BPNT1: variants seen among roughly 807,000 people sequenced by gnomAD.
BPNT1 encodes the protein 3'(2'),5'-bisphosphate nucleotidase 1.
A neutral mutation model predicts 36.9 loss-of-function variants in BPNT1; 28 were observed. The ratio of observed to expected loss-of-function variants is 0.76; its 90% CI spans 0.56 to 1.04. BPNT1 has a LOEUF of 1.04. Among genes scored for constraint, BPNT1 ranks in the 50% least tolerant of loss-of-function variants. The pLI, the probability that BPNT1 is intolerant of heterozygous loss-of-function variation, is 0.00. For synonymous variants in BPNT1, 119 were observed against 130.9 expected (o/e 0.91, Z 0.62); for missense variants, 313 against 372.9 (o/e 0.84, Z 1.32).
In BPNT1 at chr1:220,087,908, G is replaced by C. The variant is rs569182664; in HGVS notation, c.-9+1778C>G. Among the ~76,000 whole-genome samples, 28 of 151,944 alleles carry C rather than the reference G, an allele frequency of 1.8e-4. No homozygotes were observed. In the South Asian group the frequency reaches 5.8e-3, roughly 32 times the overall value. On this transcript the variant is annotated intron_variant, in intron 1 of 8. Transcript: ENST00000322067. Reference sequence around the variant, plus strand: ...ATTTATTTTTTGAGACAGAGTTTTTGCTCTTGTTGCCCAGGCTGGAGTGCA... The same window carrying C: ...ATTTATTTTTTGAGACAGAGTTTTTCCTCTTGTTGCCCAGGCTGGAGTGCA...
intron 1 of BPNT1, among the ~76,000 whole-genome samples, chr1:220,081,095 T>C (rs933020534): frequency 6.6e-6 from 1 of 151,440 alleles, no homozygotes; most frequent in Non-Finnish European, 1.5e-5. Flanking sequence ...CCCACCACCA[T>C]GCTCGGCTAA....
chr1:220,088,838 G>A (rs1430154116), intron 1 of BPNT1, among the ~76,000 whole-genome samples: 1 of 150,144 alleles, frequency 6.7e-6, no homozygotes, highest in Non-Finnish European at 1.5e-5. Context: ...GGTGGCTCAC[G>A]CCTGTAATCC....
At chr1:220,082,063 A>AATATATATATAT (rs369837553) in intron 1 of BPNT1, among the ~76,000 whole-genome samples, 2 of 110,404 alleles carry the variant, frequency 1.8e-5, no homozygotes, top group African/African-American at 7.4e-5. Flanking sequence ...TTCCAAGGAC[A>AATATATATATAT]ATATATATAT....
intron 6 of BPNT1, among the ~76,000 whole-genome samples, chr1:220,065,148 A>G (rs1663424097): frequency 6.6e-6 from 1 of 152,164 alleles, no homozygotes; most frequent in African/African-American, 2.4e-5. Context: ...GTTATTCTGG[A>G]AAAAAATAAA....
intron 6 of BPNT1, chr1:220,066,904 C>A (rs1398244018): frequency 6.6e-6 from 1 of 152,008 alleles, no homozygotes; most frequent in Non-Finnish European, 1.5e-5. Flanking sequence ...GTCTTGATGC[C>A]CAAGCTAATC....
intron 4 of BPNT1, 26 bp downstream of exon 4, chr1:220,072,824 G>C: frequency 6.4e-7 from 1 of 1,558,880 alleles, no homozygotes; most frequent in Non-Finnish European, 8.8e-7. Flanking sequence ...GGTTAATAGA[G>C]AGTTGAGTAT....
intron 1 of BPNT1, among the ~76,000 whole-genome samples, chr1:220,083,190 T>G (rs1219137786): frequency 7.1e-6 from 1 of 140,706 alleles, no homozygotes; most frequent in Non-Finnish European, 1.6e-5. Flanking sequence ...TGGGCCGAGA[T>G]CGTGCCAGTG....
chr1:220,059,094 C>A, intron 8 of BPNT1, 102 bp from the exon 9 acceptor site: 1 of 1,154,412 alleles, frequency 8.7e-7, no homozygotes, highest in Non-Finnish European at 1.2e-6. Context: ...CAATAGTAGC[C>A]AATAAATTCT....
Position 220,058,569 on chromosome 1 carries a change from TCA to T in BPNT1, c.*273_*274del. 3 of 921,408 alleles carry T rather than the reference TCA, an allele frequency of 3.3e-6. No homozygotes were observed. Among genetic ancestry groups the T allele is most frequent in the Non-Finnish European group, 4.0e-6 (3 of 751,304 alleles). The allele number at this position is 921,408 out of a possible 1,614,324, so 57.1% of individuals were successfully genotyped here. A position where few individuals can be genotyped will look rare whatever the true frequency, so the allele number is the denominator to read the frequency against. ...TTTCTGAGACAGGGCTTAACTCCTG[TCA>T]CTCAGGCTGGAGTGCAGTGGCACGA... On this transcript the variant is annotated 3_prime_UTR_variant, in exon 9 of 9. Coordinates refer to ENST00000322067, the MANE Select transcript of BPNT1 (RefSeq NM_006085.6).
chr1:220,082,123 G>GTGTGTA (rs1553263455), intron 1 of BPNT1, among the ~76,000 whole-genome samples: 1 of 134,518 alleles, frequency 7.4e-6, no homozygotes, highest in East Asian at 2.2e-4. Context: ...GAGAGAGAGT[G>GTGTGTA]TATATATATA....
intron 1 of BPNT1, among the ~76,000 whole-genome samples, chr1:220,088,440 G>C (rs920133063): frequency 1.4e-5 from 2 of 139,340 alleles, no homozygotes; most frequent in Admixed American, 1.5e-4. Flanking sequence ...CCGAGATCGC[G>C]CCACTGCAGT....
chr1:220,070,605 G>A (rs751623617), intron 4 of BPNT1, among the ~76,000 whole-genome samples: 45 of 151,990 alleles, frequency 3.0e-4, no homozygotes, highest in Non-Finnish European at 4.0e-4. Context: ...AGGACTACAG[G>A]CGCGCACCAC....
chr1:220,072,775 C>T (rs1571766143), intron 4 of BPNT1, 75 bp downstream of exon 4: 2 of 1,227,682 alleles, frequency 1.6e-6, no homozygotes, highest in Admixed American at 1.9e-5. Flanking sequence ...TTTCATCTTA[C>T]ATGCAAATAT....
At chr1:220,074,790 G>A (rs755688609) in intron 2 of BPNT1, among the ~76,000 whole-genome samples, 12 of 151,992 alleles carry the variant, frequency 7.9e-5, no homozygotes, top group Non-Finnish European at 1.5e-4. Flanking sequence ...CACCATGCCC[G>A]GCCTAAGAAA....
chr1:220,089,102 A>G (rs1258033801), intron 1 of BPNT1, among the ~76,000 whole-genome samples: 12 of 77,284 alleles, frequency 1.6e-4, no homozygotes, highest in East Asian at 5.5e-4. Context: ...CTCCGTCTCG[A>G]AAAAAAAAAA....
chr1:220,059,782 G>A lies in BPNT1; in HGVS notation c.682C>T (p.Leu228=), dbSNP rs761442614. The A allele has an allele frequency of 2.5e-6, 4 of 1,595,448 alleles. No homozygotes were observed. The East Asian group carries it at 9.1e-5, about 36-fold the overall frequency. ...VGGAGNKIIQ[L]IEGKASAYVF... is the part of the protein sequence containing the mutation. Reference sequence around the variant, plus strand: ...TAAGCAGAGGCTTTGCCTTCAATCAGCTGAATAATCTGTAAGGGTAAAAAT... The same window carrying A: ...TAAGCAGAGGCTTTGCCTTCAATCAACTGAATAATCTGTAAGGGTAAAAAT... The change falls in exon 8 of 9, where the codon CTG becomes TTG. Residue 228 remains leucine, a synonymous_variant. Coordinates refer to ENST00000322067, the MANE Select transcript of BPNT1 (RefSeq NM_006085.6).
chr1:220,064,196 G>A lies in BPNT1; in HGVS notation c.475-1242C>T, dbSNP rs915780057. Among the ~76,000 whole-genome samples, 70 of 152,292 alleles carry A rather than the reference G, an allele frequency of 4.6e-4. 1 individual carries two copies. The highest frequency in any genetic ancestry group is 1.7e-3 in the African/African-American group (70 of 41,562). On this transcript the variant is annotated intron_variant, in intron 6 of 8. Coordinates refer to ENST00000322067, the MANE Select transcript of BPNT1 (RefSeq NM_006085.6). ...AGGTTCTAAGAAGTTCACAACCAAA[G>A]ATTGGCTCATCTGTCTTCAAAGATG... is the stretch of plus-strand genomic sequence containing the variant.
At chr1:220,076,394 G>A (rs1411247834) in intron 2 of BPNT1, among the ~76,000 whole-genome samples, 3 of 151,522 alleles carry the variant, frequency 2.0e-5, no homozygotes, top group African/African-American at 4.9e-5. Context: ...CCAGCTACTC[G>A]GGAGGCTGAG....
At chr1:220,066,203 G>T in intron 6 of BPNT1, 1 of 931,864 alleles carries the variant, frequency 1.1e-6, no homozygotes, top group Non-Finnish European at 1.6e-6. Flanking sequence ...TTTTCTTGAT[G>T]AAAGGTACCG....
Sources: allele counts gnomAD v4.1 joint callset (sites outside exome capture counted in the v4.1 genomes callset), GRCh38; gene constraint gnomAD v4.1.1; transcripts MANE v1.5; gene names NCBI Gene and HGNC (gene_info 2026-07-23, HGNC 2026-07-21).